Variants in AGBL4 observed in about 807,000 individuals in gnomAD.
The protein encoded by AGBL4 is AGBL carboxypeptidase 4, also known as cytosolic carboxypeptidase 6.
In AGBL4, 58 loss-of-function variants were observed where a neutral mutation model predicts 66.4. The observed-to-expected ratio is 0.87, with a 90% CI of 0.71 to 1.09. The LOEUF (loss-of-function observed/expected upper bound fraction) is 1.09, where lower values mean the gene tolerates loss of function less well. AGBL4 is among the 50% of genes least tolerant of loss of function. The pLI is 0.00. For missense variants in AGBL4, 579 were observed against 631.0 expected (o/e 0.92, Z 0.88); for synonymous variants, 234 against 222.9 (o/e 1.05, Z -0.44).
intron 1 of AGBL4, among the ~76,000 whole-genome samples, chr1:49,954,429 G>T (rs891600780): frequency 3.9e-5 from 6 of 152,008 alleles, no homozygotes; most frequent in Non-Finnish European, 8.8e-5. Flanking sequence ...ATGAGTTGTG[G>T]GTACCCGCTC....
intron 4 of AGBL4, among the ~76,000 whole-genome samples, chr1:49,121,994 G>T (rs966294431): frequency 2.6e-5 from 4 of 152,242 alleles, no homozygotes; most frequent in Non-Finnish European, 5.9e-5. Flanking sequence ...GCAAGGCTCC[G>T]TAGGCATGGT....
intron 1 of AGBL4, among the ~76,000 whole-genome samples, chr1:49,957,848 AG>A (rs1487218826): frequency 6.6e-6 from 1 of 152,122 alleles, no homozygotes; most frequent in Non-Finnish European, 1.5e-5. Context: ...TGGAGCATTT[AG>A]CCCATTTACA....
intron 2 of AGBL4, among the ~76,000 whole-genome samples, chr1:49,797,848 C>T (rs1644768096): frequency 6.6e-6 from 1 of 151,718 alleles, no homozygotes; most frequent in Non-Finnish European, 1.5e-5. Context: ...ACTGTAACTT[C>T]CGCCTCCCGC....
At chr1:50,017,749 G>T (rs1026128096) in intron 1 of AGBL4, among the ~76,000 whole-genome samples, 12 of 152,092 alleles carry the variant, frequency 7.9e-5, no homozygotes, top group Non-Finnish European at 1.0e-4. Flanking sequence ...GAGAGGGGCA[G>T]GAGGGTGAGG....
intron 4 of AGBL4, among the ~76,000 whole-genome samples, chr1:49,068,464 A>C (rs1418203133): frequency 7.0e-6 from 1 of 142,044 alleles, no homozygotes; most frequent in African/African-American, 2.6e-5. Flanking sequence ...CCCATTTATG[A>C]GTGAGAACAT....
At chr1:49,526,016 C>G (rs1650632761) in intron 3 of AGBL4, among the ~76,000 whole-genome samples, 1 of 151,800 alleles carries the variant, frequency 6.6e-6, no homozygotes, top group African/African-American at 2.4e-5. Flanking sequence ...GGCGTGAACC[C>G]TGGGAGGTGG....
chr1:49,001,604 T>C (rs3127555), intron 5 of AGBL4, among the ~76,000 whole-genome samples: 93,560 of 151,954 alleles, frequency 0.62, 29,285 homozygotes, highest in Middle Eastern at 0.68. Flanking sequence ...GGTTACCAAG[T>C]GGTGTCAGCT....
intron 3 of AGBL4, among the ~76,000 whole-genome samples, chr1:49,473,540 C>T (rs924090057): frequency 3.3e-5 from 5 of 151,906 alleles, no homozygotes; most frequent in African/African-American, 4.8e-5. Flanking sequence ...GGATACTAGA[C>T]CTCTGTCAGT....
intron 3 of AGBL4, among the ~76,000 whole-genome samples, chr1:49,302,857 C>T (rs529992868): frequency 1.3e-5 from 2 of 151,748 alleles, no homozygotes; most frequent in Admixed American, 6.6e-5. Flanking sequence ...TTGTTTACCT[C>T]CCTGTGTCTA....
intron 2 of AGBL4, among the ~76,000 whole-genome samples, chr1:49,732,163 A>G (rs948406035): frequency 1.3e-5 from 2 of 152,210 alleles, no homozygotes; most frequent in African/African-American, 4.8e-5. Context: ...CAACTCTACC[A>G]GCTTGAAGTA....
chr1:49,134,377 T>A (rs1466451177), intron 4 of AGBL4, among the ~76,000 whole-genome samples: 1 of 151,848 alleles, frequency 6.6e-6, no homozygotes, highest in Non-Finnish European at 1.5e-5. Flanking sequence ...AATTTCCTAA[T>A]CCTAGCAAGC....
intron 1 of AGBL4, among the ~76,000 whole-genome samples, chr1:49,985,832 G>A (rs998625822): frequency 2.0e-5 from 3 of 151,970 alleles, no homozygotes; most frequent in Admixed American, 6.6e-5. Flanking sequence ...CTATGCAGTT[G>A]ATCCTCACAA....
intron 5 of AGBL4, among the ~76,000 whole-genome samples, chr1:48,961,080 G>GGGGTGTGTGT (rs1553130836): frequency 2.7e-5 from 4 of 148,626 alleles, no homozygotes; most frequent in African/African-American, 9.9e-5. Context: ...CCCAGTCTGG[G>GGGGTGTGTGT]GTGTGTGTGT....
rs564122154 is a variant in AGBL4, at chr1:49,703,406, T to A, written c.158-5969A>T. 5.3e-5 allele frequency among the ~76,000 whole-genome samples: 8 copies of A among 151,990 alleles called. No individual in the cohort carries two copies. In the South Asian group the frequency reaches 1.7e-3, roughly 32 times the overall value. ...TTAATCCAAGAAGGCAAGTTTCTTTTAACACTTAAAAAGCAAGCAACATAA... is the reference window on the plus strand; with the variant it reads ...TTAATCCAAGAAGGCAAGTTTCTTTAAACACTTAAAAAGCAAGCAACATAA... On this transcript the variant is annotated intron_variant, in intron 2 of 13. Transcript: ENST00000371839.
At chr1:49,038,207 A>C (rs1267953721) in intron 5 of AGBL4, among the ~76,000 whole-genome samples, 1 of 152,092 alleles carries the variant, frequency 6.6e-6, no homozygotes, top group East Asian at 1.9e-4. Flanking sequence ...ATTTAATAAT[A>C]ATAATACTCA....
chr1:48,628,729 C>T (rs1381304079), intron 9 of AGBL4, among the ~76,000 whole-genome samples: 1 of 151,752 alleles, frequency 6.6e-6, no homozygotes, highest in African/African-American at 2.4e-5. Context: ...TATAACTTCC[C>T]TTCTCTCCAA....
intron 5 of AGBL4, among the ~76,000 whole-genome samples, chr1:49,028,639 C>T (rs1241895133): frequency 6.6e-6 from 1 of 152,098 alleles, no homozygotes; most frequent in Admixed American, 6.5e-5. Context: ...TCAGCAGAAA[C>T]AATAGAGGGC....
At chr1:48,912,929 T>C (rs1259871160) in intron 5 of AGBL4, among the ~76,000 whole-genome samples, 1 of 152,030 alleles carries the variant, frequency 6.6e-6, no homozygotes, top group Non-Finnish European at 1.5e-5. Flanking sequence ...CTAAAGGAAG[T>C]AGCATATAAA....
chr1:49,225,259 A>C (rs945836036), intron 4 of AGBL4, among the ~76,000 whole-genome samples: 4 of 152,214 alleles, frequency 2.6e-5, no homozygotes, highest in Non-Finnish European at 4.4e-5. Flanking sequence ...CTTTCTCAAA[A>C]TCAGAGACCT....
Sources: allele counts gnomAD v4.1 joint callset (sites outside exome capture counted in the v4.1 genomes callset), GRCh38; gene constraint gnomAD v4.1.1; transcripts MANE v1.5; gene names NCBI Gene and HGNC (gene_info 2026-07-23, HGNC 2026-07-21).